The following PACRG variants were observed in gnomAD, a reference collection of about 807,000 sequenced individuals.
PACRG encodes parkin coregulated, also known as parkin coregulated gene protein.
Under a neutral mutation model 29.7 loss-of-function variants are expected in PACRG, and 29 were observed. The ratio of observed to expected loss-of-function variants is 0.98; its 90% CI spans 0.73 to 1.33. The LOEUF is 1.33. Ranked by LOEUF, PACRG falls within the 40% of genes most tolerant of loss-of-function variation. PACRG has a pLI of 0.00. For missense variants in PACRG, 279 were observed against 316.2 expected (o/e 0.88, Z 0.89); for synonymous variants, 116 against 118.7 (o/e 0.98, Z 0.15).
At chr6:162,766,050 CTATT>C (rs1239549466) in intron 1 of PACRG, among the ~76,000 whole-genome samples, 15 of 152,312 alleles carry the variant, frequency 9.8e-5, no homozygotes, top group African/African-American at 2.9e-4. Context: ...TGTCACTCAA[CTATT>C]TATCATTTCT....
At chr6:163,012,711 G>A (rs1216285842) in intron 2 of PACRG, among the ~76,000 whole-genome samples, 1 of 152,230 alleles carries the variant, frequency 6.6e-6, no homozygotes, top group Non-Finnish European at 1.5e-5. Flanking sequence ...AGAAAGGACT[G>A]AAACAGTATG....
rs150490210 is a variant in PACRG, at chr6:162,900,130, C to A, written c.291+85849C>A. 9.3e-3 allele frequency among the ~76,000 whole-genome samples: 1,419 copies of A among 152,080 alleles called. 18 individuals are homozygous for A. Among genetic ancestry groups the A allele is most frequent in the African/African-American group, 0.031 (1,282 of 41,500 alleles). On this transcript the variant is annotated intron_variant, in intron 2 of 4. Transcript: ENST00000366888. ...GTATCAGAGCATGGTCAGGCCGGAACATCGTAATGCACCCTCGAGAACTGA... is the reference window on the plus strand; with the variant it reads ...GTATCAGAGCATGGTCAGGCCGGAAAATCGTAATGCACCCTCGAGAACTGA...
intron 4 of PACRG, among the ~76,000 whole-genome samples, chr6:163,267,687 G>T (rs533301543): frequency 6.6e-6 from 1 of 152,184 alleles, no homozygotes; most frequent in East Asian, 1.9e-4. Context: ...CTATTCTAAG[G>T]TGTCATAAAA....
intron 2 of PACRG, among the ~76,000 whole-genome samples, chr6:163,004,553 A>G (rs560623209): frequency 5.9e-4 from 89 of 151,850 alleles, no homozygotes; most frequent in African/African-American, 2.1e-3. Flanking sequence ...GGAGAACAGC[A>G]TGGGGGAAAC....
intron 4 of PACRG, among the ~76,000 whole-genome samples, chr6:163,305,533 T>C (rs1785168606): frequency 6.6e-6 from 1 of 152,204 alleles, no homozygotes. Flanking sequence ...TAGAAGACTA[T>C]GTAACTAATA....
intron 4 of PACRG, among the ~76,000 whole-genome samples, chr6:163,275,564 T>G (rs572232719): frequency 6.6e-6 from 1 of 152,340 alleles, no homozygotes; most frequent in Non-Finnish European, 1.5e-5. Context: ...GGATCTAAAA[T>G]TTCTGACATA....
chr6:163,260,416 C>G (rs1051790917), intron 4 of PACRG, among the ~76,000 whole-genome samples: 1 of 152,222 alleles, frequency 6.6e-6, no homozygotes, highest in Non-Finnish European at 1.5e-5. Flanking sequence ...ATTCAAAGTT[C>G]GGGCTTTAAA....
At chr6:162,727,412 T>C, upstream of PACRG, 1 of 477,872 alleles carries the variant, frequency 2.1e-6, no homozygotes, top group Non-Finnish European at 3.7e-6. Flanking sequence ...GGCGTCCCCG[T>C]CGAGGCGGTC....
chr6:163,198,054 T>C (rs1780549575), intron 4 of PACRG, among the ~76,000 whole-genome samples: 1 of 152,246 alleles, frequency 6.6e-6, no homozygotes, highest in African/African-American at 2.4e-5. Flanking sequence ...AGGTCCCCGC[T>C]AATCTGTGCT....
intron 4 of PACRG, among the ~76,000 whole-genome samples, chr6:163,187,073 C>T (rs1376390749): frequency 6.6e-6 from 1 of 152,234 alleles, no homozygotes; most frequent in East Asian, 1.9e-4. Flanking sequence ...TAATTTCATC[C>T]GTTTCCCTTC....
At chr6:163,171,763 A>G (rs909561512) in intron 4 of PACRG, among the ~76,000 whole-genome samples, 1 of 152,194 alleles carries the variant, frequency 6.6e-6, no homozygotes, top group Non-Finnish European at 1.5e-5. Context: ...ACTGAAAAAC[A>G]ACTGTCTCCT....
intron 4 of PACRG, among the ~76,000 whole-genome samples, chr6:163,196,569 T>A (rs1780460553): frequency 6.6e-6 from 1 of 152,162 alleles, no homozygotes; most frequent in Non-Finnish European, 1.5e-5. Context: ...TTAGTGATGG[T>A]TCAATAAATG....
intron 1 of PACRG, among the ~76,000 whole-genome samples, chr6:162,775,268 A>G (rs989923215): frequency 5.9e-5 from 9 of 152,180 alleles, no homozygotes; most frequent in African/African-American, 1.7e-4. Context: ...ATAAATTTCT[A>G]TTGTTTAAGT....
chr6:163,005,921 GTATA>G (rs550831853), intron 2 of PACRG, among the ~76,000 whole-genome samples: 1 of 144,824 alleles, frequency 6.9e-6, no homozygotes, highest in East Asian at 2.0e-4. Flanking sequence ...TATATAACAT[GTATA>G]TATATAACAT....
intron 4 of PACRG, among the ~76,000 whole-genome samples, chr6:163,217,366 G>GA (rs1014623382): frequency 1.3e-5 from 2 of 152,244 alleles, no homozygotes; most frequent in Non-Finnish European, 2.9e-5. Flanking sequence ...CCCTGGACAG[G>GA]AAGGCCAGGG....
intron 4 of PACRG, among the ~76,000 whole-genome samples, chr6:163,181,497 C>T (rs911745650): frequency 6.6e-6 from 1 of 150,862 alleles, no homozygotes; most frequent in Non-Finnish European, 1.5e-5. Context: ...CTCGTGCCAG[C>T]GGCCCTCCCC....
intron 1 of PACRG, among the ~76,000 whole-genome samples, chr6:162,801,992 A>C (rs1376920722): frequency 1.3e-5 from 2 of 152,208 alleles, no homozygotes; most frequent in African/African-American, 4.8e-5. Flanking sequence ...GGATCCACTG[A>C]AACCTGTAGG....
chr6:162,783,923 T>C (rs1784273944), intron 1 of PACRG, among the ~76,000 whole-genome samples: 1 of 152,136 alleles, frequency 6.6e-6, no homozygotes, highest in African/African-American at 2.4e-5. Context: ...TTTGTGTATA[T>C]TGAACATAAG....
chr6:163,300,465 T>C (rs558849469), intron 4 of PACRG, among the ~76,000 whole-genome samples: 6 of 152,262 alleles, frequency 3.9e-5, no homozygotes, highest in Admixed American at 2.0e-4. Context: ...GGAGGGAGTC[T>C]CCTCGAAGCC....
Sources: allele counts gnomAD v4.1 joint callset (sites outside exome capture counted in the v4.1 genomes callset), GRCh38; gene constraint gnomAD v4.1.1; transcripts MANE v1.5; gene names NCBI Gene and HGNC (gene_info 2026-07-23, HGNC 2026-07-21).